P4HA3: variants seen among roughly 807,000 people sequenced by gnomAD.
The protein encoded by P4HA3 is prolyl 4-hydroxylase subunit alpha 3, also known as prolyl 4-hydroxylase subunit alpha-3.
Under a neutral mutation model 66.7 loss-of-function variants are expected in P4HA3, and 60 were observed. The ratio of observed to expected loss-of-function variants is 0.90; its 90% CI spans 0.73 to 1.12. The LOEUF is 1.12. Among genes scored for constraint, P4HA3 ranks in the 50% most tolerant of loss-of-function variants. The pLI is 0.00. For missense variants in P4HA3, 683 were observed against 685.8 expected (o/e 1.00, Z 0.05); for synonymous variants, 263 against 274.6 (o/e 0.96, Z 0.42).
intron 11 of P4HA3, among the ~76,000 whole-genome samples, chr11:74,269,194 C>T (rs1034999536): frequency 4.6e-5 from 7 of 152,116 alleles, no homozygotes; most frequent in Admixed American, 1.3e-4. Context: ...CTCCTCAGCG[C>T]CTATCCTTTC....
rs76112713 is a variant in P4HA3, at chr11:74,285,570, G to A, written c.1110+239C>T. On this transcript the variant is annotated intron_variant, in intron 7 of 12. Coordinates refer to ENST00000331597, the MANE Select transcript of P4HA3 (RefSeq NM_182904.5). ...CCACGTCCCTAACAAGATATTGAGA[G>A]CACATTTTCAATACCCCAGAGAATC... 2,753 of 443,700 alleles carry A rather than the reference G, an allele frequency of 6.2e-3. 54 individuals carry two copies. Among genetic ancestry groups the A allele is most frequent in the African/African-American group, 0.043 (2,209 of 51,100 alleles). 27.5% of individuals were successfully genotyped at this position (443,700 alleles called of 1,614,324 possible). A position where few individuals can be genotyped will look rare whatever the true frequency, so the allele number is the denominator to read the frequency against.
In P4HA3 at chr11:74,302,506, G is replaced by A; in HGVS notation, c.430C>T (p.Gln144Ter). ...TTCACATTGAGCATGTACACGTCCT[G>A]CAGCCGCATCAGGGCCCTTGCTGCT... The part of the protein sequence containing the change: ...EGAARALMRL[Q>*]DVYMLNVKGL... The change falls in exon 3 of 13, where the codon CAG (glutamine) becomes TAG (stop). Residue 144 changes from glutamine to a stop codon, truncating the protein, a stop_gained. Transcript: ENST00000331597. LOFTEE classifies it high-confidence loss of function. The A allele has an allele frequency of 6.2e-7, 1 of 1,614,194 alleles. No individual in the cohort carries two copies. The highest frequency in any genetic ancestry group is 8.5e-7 in the Non-Finnish European group (1 of 1,180,024).
intron 15 of P4HA3, among the ~76,000 whole-genome samples, chr11:74,252,239 G>GGT (rs1451114729): frequency 8.9e-6 from 1 of 112,348 alleles, no homozygotes; most frequent in African/African-American, 3.3e-5. Context: ...GGCTAATTTT[G>GGT]TTTTTTTTTT....
At chr11:74,298,455 A>G in intron 3 of P4HA3, 94 bp from the exon 4 acceptor site, 1 of 1,415,672 alleles carries the variant, frequency 7.1e-7, no homozygotes, top group East Asian at 2.3e-5. Context: ...TTGGAATCCA[A>G]GAAGGCAGGT....
At chr11:74,271,605 T>A (rs1327636132) in intron 10 of P4HA3, among the ~76,000 whole-genome samples, 2 of 152,038 alleles carry the variant, frequency 1.3e-5, no homozygotes, top group Non-Finnish European at 2.9e-5. Context: ...CAAGCGATCT[T>A]CTTGCTTGAG....
At chr11:74,288,787 A>G (rs1229483618) in intron 5 of P4HA3, among the ~76,000 whole-genome samples, 1 of 151,916 alleles carries the variant, frequency 6.6e-6, no homozygotes, top group African/African-American at 2.4e-5. Flanking sequence ...AGTCTCTACT[A>G]AAAATACAAA....
intron 4 of P4HA3, 39 bp downstream of exon 4, chr11:74,298,173 T>C (rs1861287210): frequency 3.1e-6 from 5 of 1,594,098 alleles, no homozygotes; most frequent in Non-Finnish European, 3.4e-6. Flanking sequence ...GGATTTCACT[T>C]AGTATAATAA....
At chr11:74,298,072 T>C in intron 4 of P4HA3, 140 bp downstream of exon 4, 7 of 1,013,764 alleles carry the variant, frequency 6.9e-6, no homozygotes, top group Non-Finnish European at 9.7e-6. Flanking sequence ...AATGATAAAA[T>C]AACTTCCCTG....
chr11:74,299,141 T>C (rs963514044), intron 3 of P4HA3, among the ~76,000 whole-genome samples: 5 of 152,216 alleles, frequency 3.3e-5, no homozygotes, highest in South Asian at 2.1e-4. Context: ...GGGAACGCTA[T>C]GGAAGCTCAA....
At chr11:74,264,887 T>C (rs879448043), downstream of P4HA3, among the ~76,000 whole-genome samples, 2 of 152,138 alleles carry the variant, frequency 1.3e-5, no homozygotes, top group Non-Finnish European at 2.9e-5. Flanking sequence ...CATTAAGCAG[T>C]TATTAATTTG....
chr11:74,298,117 C>G, intron 4 of P4HA3, 95 bp downstream of exon 4: 1 of 1,450,434 alleles, frequency 6.9e-7, no homozygotes, highest in Admixed American at 2.2e-5. Flanking sequence ...GAAGATGAAA[C>G]AGATGAAGAC....
chr11:74,252,149 A>G (rs1425067313), intron 15 of P4HA3, among the ~76,000 whole-genome samples: 8 of 142,560 alleles, frequency 5.6e-5, no homozygotes, highest in Non-Finnish European at 1.1e-4. Flanking sequence ...GTTCACTGCA[A>G]CCTCTGCCAC....
chr11:74,276,930 T>A, intron 9 of P4HA3, 55 bp downstream of exon 9: 2 of 1,529,172 alleles, frequency 1.3e-6, no homozygotes, highest in Non-Finnish European at 1.8e-6. Flanking sequence ...CTCAGAGAAA[T>A]AAATAATGCC....
intron 10 of P4HA3, among the ~76,000 whole-genome samples, chr11:74,272,717 A>C (rs1860248590): frequency 6.6e-6 from 1 of 152,222 alleles, no homozygotes; most frequent in Non-Finnish European, 1.5e-5. Flanking sequence ...GATGTCTGCT[A>C]TTCTAATGAG....
chr11:74,251,803 T>TA, intron 15 of P4HA3: 2 of 1,523,210 alleles, frequency 1.3e-6, no homozygotes, highest in Non-Finnish European at 1.8e-6. Flanking sequence ...ATCTCTGCCT[T>TA]ACCCCTGCCT....
At chr11:74,292,440 T>G (rs933559445) in intron 4 of P4HA3, among the ~76,000 whole-genome samples, 2 of 152,240 alleles carry the variant, frequency 1.3e-5, no homozygotes, top group African/African-American at 4.8e-5. Flanking sequence ...TGTGTCTCTA[T>G]TTCCTTCAAT....
At chr11:74,269,129 G>T (rs1565404089) in intron 11 of P4HA3, among the ~76,000 whole-genome samples, 1 of 152,190 alleles carries the variant, frequency 6.6e-6, no homozygotes. Flanking sequence ...GAGTTGGACT[G>T]ATCTGAAATT....
At chr11:74,274,306 T>TG (rs1860316541) in intron 9 of P4HA3, among the ~76,000 whole-genome samples, 2 of 138,372 alleles carry the variant, frequency 1.4e-5, no homozygotes, top group Non-Finnish European at 3.2e-5. Context: ...TTTTTTTTGT[T>TG]TTTTTTTTTT....
At chr11:74,282,961 A>C (rs779363437) in intron 7 of P4HA3, among the ~76,000 whole-genome samples, 3 of 152,336 alleles carry the variant, frequency 2.0e-5, no homozygotes, top group East Asian at 3.9e-4. Flanking sequence ...CAGGGCTTCA[A>C]CTGAGTCTTC....
Sources: allele counts gnomAD v4.1 joint callset (sites outside exome capture counted in the v4.1 genomes callset), GRCh38; gene constraint gnomAD v4.1.1; transcripts MANE v1.5; gene names NCBI Gene and HGNC (gene_info 2026-07-23, HGNC 2026-07-21).